The following CTIF variants were observed in gnomAD, a reference collection of about 807,000 sequenced individuals.
CTIF encodes cap binding complex dependent translation initiation factor.
In CTIF, 21 loss-of-function variants were observed where a neutral mutation model predicts 66.0. That is an observed-to-expected ratio of 0.32 (90% CI 0.23 to 0.46). The LOEUF (loss-of-function observed/expected upper bound fraction) is 0.46. Ranked by LOEUF, CTIF falls within the 20% of genes least tolerant of loss-of-function variation. CTIF has a pLI of 1.00. For synonymous variants in CTIF, 345 were observed against 326.4 expected (o/e 1.06, Z -0.62); for missense variants, 739 against 812.7 (o/e 0.91, Z 1.10).
intron 10 of CTIF, among the ~76,000 whole-genome samples, chr18:48,827,718 G>A (rs563925260): frequency 2.0e-5 from 3 of 152,054 alleles, no homozygotes; most frequent in East Asian, 1.9e-4. Context: ...GCTTAGCATC[G>A]GAGTCCCTGC....
intron 7 of CTIF, among the ~76,000 whole-genome samples, chr18:48,744,825 T>C (rs936139661): frequency 1.3e-5 from 2 of 151,066 alleles, no homozygotes; most frequent in Middle Eastern, 3.4e-3. Flanking sequence ...TCTTCTTCTT[T>C]TTTTTTTTTT....
chr18:48,619,950 C>T (rs769602758), intron 2 of CTIF, among the ~76,000 whole-genome samples: 2 of 152,188 alleles, frequency 1.3e-5, no homozygotes, highest in African/African-American at 2.4e-5. Context: ...CCCTCTAACC[C>T]ACCTCCACTC....
At chr18:48,635,989 G>C (rs780035289) in intron 2 of CTIF, among the ~76,000 whole-genome samples, 2 of 152,188 alleles carry the variant, frequency 1.3e-5, no homozygotes, top group Non-Finnish European at 2.9e-5. Flanking sequence ...TAATTCAGTG[G>C]GTAAAGCCTG....
intron 1 of CTIF, among the ~76,000 whole-genome samples, chr18:48,590,622 T>C (rs2089868012): frequency 6.6e-6 from 1 of 152,192 alleles, no homozygotes; most frequent in Admixed American, 6.5e-5. Context: ...GGAACCATGC[T>C]GCCCAGGAGG....
intron 10 of CTIF, among the ~76,000 whole-genome samples, chr18:48,842,726 T>C (rs1478371800): frequency 6.6e-6 from 1 of 152,252 alleles, no homozygotes; most frequent in Non-Finnish European, 1.5e-5. Flanking sequence ...AATCACAACC[T>C]GAACCTTCCG....
intron 6 of CTIF, among the ~76,000 whole-genome samples, chr18:48,684,679 A>G (rs1291753408): frequency 6.6e-6 from 1 of 152,230 alleles, no homozygotes; most frequent in Non-Finnish European, 1.5e-5. Flanking sequence ...TCAGATTCAC[A>G]GGAAAGTTGC....
intron 2 of CTIF, among the ~76,000 whole-genome samples, chr18:48,631,766 A>C (rs2090720446): frequency 2.6e-5 from 4 of 152,022 alleles, no homozygotes; most frequent in Admixed American, 2.6e-4. Context: ...CAAACTTCCC[A>C]CGTTTCCCGC....
At chr18:48,759,033 C>A (rs1298628755) in intron 8 of CTIF, among the ~76,000 whole-genome samples, 1 of 152,156 alleles carries the variant, frequency 6.6e-6, no homozygotes, top group Non-Finnish European at 1.5e-5. Context: ...AGTGAGGCCT[C>A]CTTACTTTTG....
intron 9 of CTIF, among the ~76,000 whole-genome samples, chr18:48,770,307 T>TGCCACTGC (rs1909980384): frequency 6.6e-6 from 1 of 152,198 alleles, no homozygotes; most frequent in African/African-American, 2.4e-5. Context: ...CCTGCCTCTT[T>TGCCACTGC]GCCACTGCGC....
At chr18:48,823,569 G>A (rs757134198) in intron 10 of CTIF, among the ~76,000 whole-genome samples, 4 of 152,052 alleles carry the variant, frequency 2.6e-5, no homozygotes, top group Admixed American at 6.6e-5. Flanking sequence ...CTGTAGCTTC[G>A]GGATACATTT....
At chr18:48,825,532 G>A (rs1415780472) in intron 10 of CTIF, among the ~76,000 whole-genome samples, 2 of 152,224 alleles carry the variant, frequency 1.3e-5, no homozygotes, top group Admixed American at 6.5e-5. Context: ...ATCTGACCTC[G>A]GAAAAGGCTG....
At chr18:48,727,275 C>T (rs1159062930) in intron 7 of CTIF, among the ~76,000 whole-genome samples, 1 of 152,094 alleles carries the variant, frequency 6.6e-6, no homozygotes, top group Non-Finnish European at 1.5e-5. Flanking sequence ...TGTTCCTGCC[C>T]AGGAATTATT....
chr18:48,735,034 C>A (rs972656418), intron 7 of CTIF, among the ~76,000 whole-genome samples: 1 of 151,986 alleles, frequency 6.6e-6, no homozygotes, highest in African/African-American at 2.4e-5. Flanking sequence ...AATATGTGTA[C>A]AAGTATGTAT....
chr18:48,787,381 G>A (rs1242251655), intron 9 of CTIF, among the ~76,000 whole-genome samples: 1 of 152,124 alleles, frequency 6.6e-6, no homozygotes, highest in East Asian at 1.9e-4. Flanking sequence ...GCAGGAGGAA[G>A]GGAGAGAAGG....
At chr18:48,664,163 C>A (rs2144914591) in intron 4 of CTIF, among the ~76,000 whole-genome samples, 1 of 152,298 alleles carries the variant, frequency 6.6e-6, no homozygotes, top group African/African-American at 2.4e-5. Flanking sequence ...CTCTCCCTGG[C>A]CTTCCTCAAA....
In CTIF at chr18:48,816,095, T is replaced by C. The variant is rs553670038; in HGVS notation, c.1372-1126T>C. Among the ~76,000 whole-genome samples the C allele has an allele frequency of 3.3e-5, 5 of 152,128 alleles. No homozygotes were observed. The South Asian group carries it at 1.0e-3, about 32-fold the overall frequency. The stretch of plus-strand genomic sequence containing the variant: ...GGTGTGTGTGCAGGTTGGTTGGGGG[T>C]CACCTGACCTAGGCTAGACTTAGGT... On this transcript the variant is annotated intron_variant, in intron 9 of 11. Coordinates refer to ENST00000256413, the MANE Select transcript of CTIF (RefSeq NM_014772.3).
chr18:48,748,096 G>A (rs1907424385), intron 7 of CTIF, among the ~76,000 whole-genome samples: 1 of 152,040 alleles, frequency 6.6e-6, no homozygotes, highest in East Asian at 1.9e-4. Flanking sequence ...CATTTTCTCA[G>A]CTATTCCTAC....
In CTIF at chr18:48,861,211, T is replaced by C. The variant is rs1035915087; in HGVS notation, c.*1652T>C. On this transcript the variant is annotated 3_prime_UTR_variant, in exon 12 of 12. Transcript: ENST00000256413. ...CCTGCAGCTGCAACCTGCCCTCTGG[T>C]CCCAGGTGTGGAGCCTTTGCCTGTC... 1.3e-5 allele frequency: 2 copies of C among 152,286 alleles called. No homozygotes were observed. The highest frequency in any genetic ancestry group is 2.9e-5 in the Non-Finnish European group (2 of 68,142). 9.4% of individuals were successfully genotyped at this position (152,286 alleles called of 1,614,324 possible).
chr18:48,617,252 C>T (rs1171498837), intron 1 of CTIF, among the ~76,000 whole-genome samples: 1 of 152,206 alleles, frequency 6.6e-6, no homozygotes, highest in African/African-American at 2.4e-5. Context: ...AGCAACAGTG[C>T]ATTGAGTCTT....
Sources: allele counts gnomAD v4.1 joint callset (sites outside exome capture counted in the v4.1 genomes callset), GRCh38; gene constraint gnomAD v4.1.1; transcripts MANE v1.5; gene names NCBI Gene and HGNC (gene_info 2026-07-23, HGNC 2026-07-21).